PCDH15: variants seen among roughly 807,000 people sequenced by gnomAD.
PCDH15 encodes the protein protocadherin related 15.
PCDH15 carries 129 observed loss-of-function variants against 178.5 expected under a neutral mutation model. The ratio of observed to expected loss-of-function variants is 0.72; its 90% CI spans 0.63 to 0.84. The LOEUF (loss-of-function observed/expected upper bound fraction) is 0.84. PCDH15 is among the 40% of genes least tolerant of loss of function. The probability of loss-of-function intolerance (pLI) is 0.00; values close to 1 mark genes in which losing one functional copy is unlikely to be tolerated. For synonymous variants in PCDH15, 800 were observed against 732.0 expected (o/e 1.09, Z -1.50); for missense variants, 2,230 against 2,099.9 (o/e 1.06, Z -1.21).
chr10:55,184,515 T>C (rs1374261893), intron 1 of PCDH15, among the ~76,000 whole-genome samples: 6 of 152,022 alleles, frequency 3.9e-5, no homozygotes, highest in African/African-American at 1.4e-4. Flanking sequence ...TCAAGAAAGT[T>C]GATGAATAAT....
At chr10:55,507,896 T>C (rs1387754030) in intron 2 of PCDH15, among the ~76,000 whole-genome samples, 2 of 151,606 alleles carry the variant, frequency 1.3e-5, no homozygotes, top group Non-Finnish European at 3.0e-5. Flanking sequence ...TTCTGGCTAA[T>C]TAAAAAAACA....
chr10:54,348,370 T>C (rs771982815), intron 5 of PCDH15, among the ~76,000 whole-genome samples: 3 of 152,050 alleles, frequency 2.0e-5, no homozygotes, highest in Non-Finnish European at 4.4e-5. Context: ...TGAGACGAGA[T>C]CGTTTAAGTA....
At chr10:54,853,325 A>G (rs1953671893) in intron 3 of PCDH15, among the ~76,000 whole-genome samples, 1 of 112,518 alleles carries the variant, frequency 8.9e-6, no homozygotes, top group Non-Finnish European at 1.8e-5. Context: ...ATATACATAC[A>G]CACACATATA....
At chr10:55,560,265 C>T (rs1420560988) in intron 2 of PCDH15, among the ~76,000 whole-genome samples, 3 of 151,870 alleles carry the variant, frequency 2.0e-5, no homozygotes. Flanking sequence ...CAAAGCAGCA[C>T]TTGATATGCA....
At chr10:54,890,380 T>C (rs1035254465) in intron 3 of PCDH15, among the ~76,000 whole-genome samples, 2 of 151,998 alleles carry the variant, frequency 1.3e-5, no homozygotes, top group Non-Finnish European at 2.9e-5. Context: ...ATGTCCATTT[T>C]GGCAAGCAAA....
chr10:54,023,062 C>A lies in PCDH15; in HGVS notation c.2356G>T (p.Glu786Ter). The change falls in exon 19 of 38, where the codon GAA becomes TAA. Residue 786 changes from glutamate to a stop codon, truncating the protein, a stop_gained. Coordinates refer to ENST00000644397, the MANE Select transcript of PCDH15 (RefSeq NM_001384140.1). LOFTEE classifies it high-confidence loss of function. ...CCATCTGTTGCCACAACAACAAGTT[C>A]ATAGTAGTCCCTGACTTCTCTGTTA... ...KLNREVRDYY[E>*]LVVVATDGAV... 6.2e-7 allele frequency: 1 copy of A among 1,613,966 alleles called. No individual in the cohort carries two copies. The highest frequency in any genetic ancestry group is 8.5e-7 in the Non-Finnish European group (1 of 1,179,904).
chr10:54,116,178 T>A lies in PCDH15; in HGVS notation c.1917+16697A>T, dbSNP rs75458420. ...AGAAACTATCAATTCTGTCACATCA[T>A]GAGGATGGGTTGAGTAAGATGAGAA... is the stretch of plus-strand genomic sequence containing the variant. On this transcript the variant is annotated intron_variant, in intron 15 of 37. Transcript: ENST00000644397. 8.6e-3 allele frequency among the ~76,000 whole-genome samples: 1,274 copies of A among 147,430 alleles called. 50 individuals carry two copies. Among genetic ancestry groups the A allele is most frequent in the Admixed American group, 0.068 (978 of 14,474 alleles).
rs115716596 is a variant in PCDH15, at chr10:54,237,050, A to T, written c.877-119T>A. The T allele has an allele frequency of 5.1e-3, 4,429 of 869,238 alleles. 62 individuals carry two copies. The highest frequency in any genetic ancestry group is 0.045 in the African/African-American group (2,709 of 60,382). 53.8% of individuals were successfully genotyped at this position (869,238 alleles called of 1,614,324 possible). On this transcript the variant is annotated intron_variant, in intron 8 of 37. Transcript: ENST00000644397. ...GTCTGAGACAGTAAACTCAAGTTTC[A>T]ACATTTATGATCTAATACCTTTTAC...
chr10:55,254,564 G>A (rs1296404713), intron 1 of PCDH15, among the ~76,000 whole-genome samples: 1 of 152,090 alleles, frequency 6.6e-6, no homozygotes, highest in African/African-American at 2.4e-5. Context: ...CTACTATTTG[G>A]TCAAGACAGG....
At position 54,194,496 on chromosome 10, in the gene PCDH15, G is replaced by C. The variant is rs74394765; in HGVS notation, c.1305+1187C>G. Among the ~76,000 whole-genome samples, 858 of 152,158 alleles carry C rather than the reference G, an allele frequency of 5.6e-3. 8 individuals carry two copies. The highest frequency in any genetic ancestry group is 0.017 in the African/African-American group (696 of 41,532). ...TATCTGAGAGCAAGCACTGTTAAGG[G>C]AGAAATGAATGAATCAAGAATTATA... On this transcript the variant is annotated intron_variant, in intron 11 of 37. Coordinates refer to ENST00000644397, the MANE Select transcript of PCDH15 (RefSeq NM_001384140.1).
chr10:55,103,388 G>C (rs536528763), intron 2 of PCDH15, among the ~76,000 whole-genome samples: 1 of 152,044 alleles, frequency 6.6e-6, no homozygotes, highest in Admixed American at 6.6e-5. Flanking sequence ...CTCTGTTGGG[G>C]TATCTGTTAG....
At chr10:55,067,658 A>G (rs1459894531) in intron 2 of PCDH15, among the ~76,000 whole-genome samples, 12 of 148,562 alleles carry the variant, frequency 8.1e-5, no homozygotes, top group African/African-American at 3.0e-4. Flanking sequence ...TTTTTGAGAA[A>G]CTTCCATGCT....
intron 3 of PCDH15, among the ~76,000 whole-genome samples, chr10:54,880,748 T>C (rs1466349432): frequency 1.3e-5 from 2 of 149,828 alleles, no homozygotes; most frequent in African/African-American, 4.9e-5. Flanking sequence ...ATTATACATT[T>C]CCACATAAGG....
At chr10:54,976,197 A>G (rs1839066261) in intron 2 of PCDH15, among the ~76,000 whole-genome samples, 1 of 152,204 alleles carries the variant, frequency 6.6e-6, no homozygotes, top group Non-Finnish European at 1.5e-5. Flanking sequence ...AATGACAAAT[A>G]TTAATTTCAA....
intron 3 of PCDH15, among the ~76,000 whole-genome samples, chr10:54,379,430 A>T (rs1243845365): frequency 6.6e-6 from 1 of 152,160 alleles, no homozygotes; most frequent in East Asian, 1.9e-4. Context: ...TTTATCTTAG[A>T]GCAAATACAT....
At chr10:54,701,448 A>G (rs913244097) in intron 1 of PCDH15, among the ~76,000 whole-genome samples, 1 of 152,142 alleles carries the variant, frequency 6.6e-6, no homozygotes, top group Non-Finnish European at 1.5e-5. Context: ...ATATCTGCAC[A>G]TATCAGTATT....
intron 15 of PCDH15, among the ~76,000 whole-genome samples, chr10:54,113,872 G>T: frequency 6.6e-6 from 1 of 152,122 alleles, no homozygotes; most frequent in East Asian, 1.9e-4. Context: ...GGCTATGGAG[G>T]CCTCACAATC....
intron 18 of PCDH15, among the ~76,000 whole-genome samples, chr10:54,050,218 A>G (rs2093738934): frequency 1.3e-5 from 2 of 152,036 alleles, no homozygotes; most frequent in Admixed American, 6.6e-5. Flanking sequence ...TAGATTTTTC[A>G]TTACTAATTT....
chr10:54,470,919 A>T (rs954686409), intron 3 of PCDH15, among the ~76,000 whole-genome samples: 7 of 152,084 alleles, frequency 4.6e-5, no homozygotes, highest in Admixed American at 4.6e-4. Flanking sequence ...GCGCCCCTTC[A>T]TCTCTTTATT....
Sources: gnomAD v4.1 joint callset for allele counts (sites outside exome capture counted in the v4.1 genomes callset) on GRCh38, gnomAD v4.1.1 for gene constraint, MANE v1.5 for transcripts, NCBI Gene and HGNC (gene_info 2026-07-23, HGNC 2026-07-21) for gene names.